Variants in RIMKLB observed in about 807,000 individuals in gnomAD.
RIMKLB encodes ribosomal modification protein rimK like family member B.
A neutral mutation model predicts 32.0 loss-of-function variants in RIMKLB; 7 were observed. That is an observed-to-expected ratio of 0.22 (90% CI 0.12 to 0.41). The LOEUF is 0.41. RIMKLB is among the 10% of genes least tolerant of loss of function. The pLI is 1.00. For missense variants in RIMKLB, 289 were observed against 498.7 expected (o/e 0.58, Z 4.00); for synonymous variants, 172 against 185.1 (o/e 0.93, Z 0.57).
chr12:8,700,262 T>C (rs772386397), intron 1 of RIMKLB: 1 of 152,348 alleles, frequency 6.6e-6, no homozygotes, highest in African/African-American at 2.4e-5. Flanking sequence ...GCTTCAGGCA[T>C]TGGTTTGTTG....
intron 2 of RIMKLB, chr12:8,743,082 G>C (rs942755385): frequency 6.6e-6 from 1 of 152,484 alleles, no homozygotes; most frequent in African/African-American, 2.4e-5. Flanking sequence ...GTCTGGGCAC[G>C]GTGGCTCAGG....
rs868457370 is a variant in RIMKLB at position 8,776,080 on chromosome 12, T to C, written c.*2296T>C. 41 of 984,432 alleles carry C rather than the reference T, an allele frequency of 4.2e-5. No homozygotes were observed. The Middle Eastern group carries it at 3.7e-3, about 88-fold the overall frequency. The allele number at this position is 984,432 out of a possible 1,614,324, so 61.0% of individuals were successfully genotyped here. A position where few individuals can be genotyped will look rare whatever the true frequency, so the allele number is the denominator to read the frequency against. ...TGGTTGCCATGTGTATTATGACACA[T>C]ACACTTTGAATAGTTACATATCACA... On this transcript the variant is annotated 3_prime_UTR_variant, in exon 6 of 6. Coordinates refer to ENST00000535829, the MANE Select transcript of RIMKLB (RefSeq NM_001297776.2).
intron 5 of RIMKLB, among the ~76,000 whole-genome samples, chr12:8,765,098 A>G (rs765691380): frequency 2.3e-4 from 35 of 151,760 alleles, no homozygotes; most frequent in Non-Finnish European, 4.1e-4. Flanking sequence ...TGAGTGATAA[A>G]CTTATCATTT....
downstream of RIMKLB, chr12:8,779,917 G>A (rs1299187279): frequency 6.6e-6 from 1 of 152,108 alleles, no homozygotes; most frequent in Non-Finnish European, 1.5e-5. Context: ...TACAGTTTGA[G>A]GAAATGTGCA....
chr12:8,690,787 G>A (rs966456775), intron 1 of RIMKLB, among the ~76,000 whole-genome samples: 1 of 152,162 alleles, frequency 6.6e-6, no homozygotes, highest in African/African-American at 2.4e-5. Flanking sequence ...GCTGGGTGTG[G>A]TGGTGCATGC....
At chr12:8,723,981 AAGTTT>A (rs1945736123) in intron 2 of RIMKLB, among the ~76,000 whole-genome samples, 1 of 143,652 alleles carries the variant, frequency 7.0e-6, no homozygotes, top group Non-Finnish European at 1.5e-5. Flanking sequence ...ATGCCTGGCT[AAGTTT>A]TGTTTTGTTT....
In RIMKLB at chr12:8,776,415, G is replaced by C; in HGVS notation, c.*2631G>C. The C allele has an allele frequency of 1.0e-6, 1 of 962,598 alleles. No individual in the cohort carries two copies. Among genetic ancestry groups the C allele is most frequent in the South Asian group, 4.8e-5 (1 of 20,832 alleles). 59.6% of individuals were successfully genotyped at this position (962,598 alleles called of 1,614,324 possible). A position where few individuals can be genotyped will look rare whatever the true frequency, so the allele number is the denominator to read the frequency against. ...GGAAACAAACAGCAGCAGATATTTA[G>C]GTTAAACTTATTTTCATAATTGTTT... On this transcript the variant is annotated 3_prime_UTR_variant, in exon 6 of 6. Coordinates refer to ENST00000535829, the MANE Select transcript of RIMKLB (RefSeq NM_001297776.2).
chr12:8,674,074 CAA>C, the RIMKLB span, among the ~76,000 whole-genome samples: 1 of 151,846 alleles, frequency 6.6e-6, no homozygotes, highest in South Asian at 2.1e-4. Flanking sequence ...GGAAGAGTGG[CAA>C]AAAACAAACA....
chr12:8,747,499 T>G (rs1948205896), intron 2 of RIMKLB, among the ~76,000 whole-genome samples: 1 of 152,190 alleles, frequency 6.6e-6, no homozygotes, highest in Non-Finnish European at 1.5e-5. Flanking sequence ...GTTTAAAAGT[T>G]AATACCATAA....
upstream of RIMKLB, among the ~76,000 whole-genome samples, chr12:8,693,226 C>T (rs1466995659): frequency 6.6e-6 from 1 of 152,108 alleles, no homozygotes; most frequent in Non-Finnish European, 1.5e-5. Context: ...ATACTGTGTA[C>T]TCAAGTAGAA....
chr12:8,720,919 T>C (rs941213108), intron 2 of RIMKLB, among the ~76,000 whole-genome samples: 2 of 152,178 alleles, frequency 1.3e-5, no homozygotes, highest in Non-Finnish European at 2.9e-5. Context: ...TTGAATATTA[T>C]GTTATGCTGC....
chr12:8,735,839 T>C (rs776532488), intron 2 of RIMKLB, among the ~76,000 whole-genome samples: 29 of 152,088 alleles, frequency 1.9e-4, no homozygotes, highest in African/African-American at 5.3e-4. Flanking sequence ...CAAGGAATTC[T>C]CCTGCCTCAG....
At chr12:8,670,580 T>C in the RIMKLB span, among the ~76,000 whole-genome samples, 1 of 152,092 alleles carries the variant, frequency 6.6e-6, no homozygotes, top group Non-Finnish European at 1.5e-5. Flanking sequence ...CTTTACAGAG[T>C]ACAGTCTCCC....
At chr12:8,697,757 G>A (rs1942963248), upstream of RIMKLB, 1 of 206,174 alleles carries the variant, frequency 4.9e-6, no homozygotes, top group South Asian at 4.4e-5. Flanking sequence ...GCGAGGAGCT[G>A]GGAGGGCGGC....
At position 8,752,085 on chromosome 12, in the gene RIMKLB, T is replaced by C. The variant is rs1280883078; in HGVS notation, c.493+42T>C. The C allele has an allele frequency of 2.4e-6, 3 of 1,237,880 alleles. 1 individual carries two copies. The highest frequency in any genetic ancestry group is 3.5e-6 in the Non-Finnish European group (3 of 851,990). The allele number at this position is 1,237,880 out of a possible 1,614,324, so 76.7% of individuals were successfully genotyped here. A position where few individuals can be genotyped will look rare whatever the true frequency, so the allele number is the denominator to read the frequency against. On this transcript the variant is annotated intron_variant, in intron 4 of 5. Transcript: ENST00000535829. ...GGTAAGGTATATAGTTTTGAAACTA[T>C]TCTTGCTTATTAATATGGAGTGACT...
chr12:8,731,467 T>C (rs1946538185), intron 2 of RIMKLB, among the ~76,000 whole-genome samples: 1 of 151,864 alleles, frequency 6.6e-6, no homozygotes, highest in Non-Finnish European at 1.5e-5. Flanking sequence ...TTTTTTTTTT[T>C]AATGTTAGGC....
intron 5 of RIMKLB, among the ~76,000 whole-genome samples, chr12:8,764,385 A>T (rs1301952521): frequency 6.6e-6 from 1 of 152,120 alleles, no homozygotes; most frequent in East Asian, 1.9e-4. Flanking sequence ...TTTTGCTAGA[A>T]TGTCTCTCCC....
chr12:8,712,478 C>T (rs939588069), intron 1 of RIMKLB, among the ~76,000 whole-genome samples: 1 of 152,062 alleles, frequency 6.6e-6, no homozygotes, highest in African/African-American at 2.4e-5. Context: ...CTAGAGCATC[C>T]GACATTAAGT....
intron 2 of RIMKLB, among the ~76,000 whole-genome samples, chr12:8,720,086 G>A (rs765111151): frequency 6.6e-6 from 1 of 152,274 alleles, no homozygotes; most frequent in East Asian, 1.9e-4. Flanking sequence ...TGATAAGTTT[G>A]GTATAGCTAG....
Sources: gnomAD v4.1 joint callset for allele counts (sites outside exome capture counted in the v4.1 genomes callset) on GRCh38, gnomAD v4.1.1 for gene constraint, MANE v1.5 for transcripts, NCBI Gene and HGNC (gene_info 2026-07-23, HGNC 2026-07-21) for gene names.